Variants in PCDHGA5 observed in about 807,000 individuals in gnomAD.
The protein encoded by PCDHGA5 is protocadherin gamma subfamily A, 5, also known as protocadherin gamma-A5.
In PCDHGA5, 36 loss-of-function variants were observed where a neutral mutation model predicts 56.7. The ratio of observed to expected loss-of-function variants is 0.64; its 90% CI spans 0.49 to 0.84. PCDHGA5 has a LOEUF of 0.84. Among genes scored for constraint, PCDHGA5 ranks in the 40% least tolerant of loss-of-function variants. The pLI is 0.00. For missense variants in PCDHGA5, 1,305 were observed against 1,201.5 expected, an observed-to-expected ratio of 1.09 and a Z score of -1.27; for synonymous variants, 563 against 520.2, an observed-to-expected ratio of 1.08 and a Z score of -1.12.
chr5:141,399,321 T>C (rs1356696829), intron 1 of PCDHGA5: 2 of 1,613,978 alleles, frequency 1.2e-6, no homozygotes, highest in Admixed American at 1.7e-5. Context: ...AAAATTCGTA[T>C]AAGTTGGTAA....
chr5:141,403,161 G>A (rs1435695987), intron 1 of PCDHGA5: 12 of 1,614,026 alleles, frequency 7.4e-6, no homozygotes, highest in Non-Finnish European at 1.0e-5. Context: ...GTCTCTAGAG[G>A]TAGGACGCAG....
chr5:141,366,134 G>A lies in PCDHGA5; in HGVS notation c.1804G>A (p.Ala602Thr). ...GGTGGACAAAGATTCAGGCCAGAAC[G>A]CCTGGCTGTCCTACCGCCTGCTTAA... is the stretch of plus-strand genomic sequence containing the variant. The part of the protein sequence containing the change: ...VAVDKDSGQN[A>T]WLSYRLLKAS... The change falls in exon 1 of 4, where the codon GCC (alanine) becomes ACC (threonine). Residue 602 changes from alanine to threonine, a missense_variant. Coordinates refer to ENST00000518069, the MANE Select transcript of PCDHGA5 (RefSeq NM_018918.3). The A allele has an allele frequency of 6.2e-7, 1 of 1,614,204 alleles. No individual in the cohort carries two copies. The highest frequency in any genetic ancestry group is 8.5e-7 in the Non-Finnish European group (1 of 1,180,046).
intron 2 of PCDHGA5, among the ~76,000 whole-genome samples, chr5:141,503,423 C>T (rs1018496430): frequency 6.6e-6 from 1 of 151,752 alleles, no homozygotes; most frequent in Non-Finnish European, 1.5e-5. Context: ...GGTGAAACCC[C>T]ATCTCTACTA....
chr5:141,410,466 G>T (rs536543649), intron 1 of PCDHGA5: 2 of 1,613,908 alleles, frequency 1.2e-6, no homozygotes, highest in South Asian at 1.1e-5. Context: ...TATAATCTGT[G>T]CATTGCACAT....
intron 1 of PCDHGA5, chr5:141,416,261 A>G (rs2096009073): frequency 6.6e-6 from 1 of 152,294 alleles, no homozygotes; most frequent in Non-Finnish European, 1.5e-5. Flanking sequence ...ACACTGCAGT[A>G]TCCTTTTTGC....
In PCDHGA5 at chr5:141,487,761, C is replaced by T. The variant is rs1331182183; in HGVS notation, c.2422-7046C>T. Reference sequence around the variant, plus strand: ...GTAAGAGGTAACTATGTGGTAGACGCTGTGCTTTGTAACTGTTTCGTGAAT... The same window carrying T: ...GTAAGAGGTAACTATGTGGTAGACGTTGTGCTTTGTAACTGTTTCGTGAAT... On this transcript the variant is annotated intron_variant, in intron 1 of 3. Coordinates refer to ENST00000518069, the MANE Select transcript of PCDHGA5 (RefSeq NM_018918.3). The surrounding 1 kb of genome is among the most constrained non-coding windows in gnomAD (Gnocchi z 5.0). 3.2e-6 allele frequency: 5 copies of T among 1,545,926 alleles called. No individual in the cohort carries two copies. Among genetic ancestry groups the T allele is most frequent in the South Asian group, 1.2e-5 (1 of 83,534 alleles).
At chr5:141,389,338 T>C in intron 1 of PCDHGA5, 1 of 1,613,982 alleles carries the variant, frequency 6.2e-7, no homozygotes, top group South Asian at 1.1e-5. Flanking sequence ...AACGGCCAAG[T>C]CTCTTACTGC....
chr5:141,426,643 T>C (rs1280631056), intron 1 of PCDHGA5: 1 of 411,758 alleles, frequency 2.4e-6, no homozygotes, highest in Non-Finnish European at 5.0e-6. Flanking sequence ...CACATAAATG[T>C]GATGATAGAA....
intron 1 of PCDHGA5, chr5:141,374,138 C>G: frequency 6.2e-7 from 1 of 1,608,824 alleles, no homozygotes; most frequent in Non-Finnish European, 8.5e-7. Context: ...GCTCCTCACG[C>G]TCCTGGGGAC....
chr5:141,427,931 G>T (rs1381637805), intron 1 of PCDHGA5: 3 of 1,583,646 alleles, frequency 1.9e-6, no homozygotes, highest in Non-Finnish European at 2.6e-6. Flanking sequence ...GGCGCATGTT[G>T]GTGGGCGACC....
chr5:141,397,450 A>G (rs1434264337), intron 1 of PCDHGA5, among the ~76,000 whole-genome samples: 1 of 152,258 alleles, frequency 6.6e-6, no homozygotes, highest in Admixed American at 6.5e-5. Context: ...AATATAAAAC[A>G]CTAGAAATAT....
intron 1 of PCDHGA5, among the ~76,000 whole-genome samples, chr5:141,402,461 C>A (rs892900332): frequency 1.3e-5 from 2 of 151,994 alleles, no homozygotes; most frequent in East Asian, 3.8e-4. Context: ...GTTTACATAT[C>A]TAGAAATAGA....
chr5:141,389,449 A>T lies in PCDHGA5; in HGVS notation c.2421+22698A>T, dbSNP rs771507101. The stretch of plus-strand genomic sequence containing the variant: ...GCGCAGCGCGCCTTCGACCACGAGC[A>T]GCTGCGCGCCTTCGAACTCACACTG... On this transcript the variant is annotated intron_variant, in intron 1 of 3. Coordinates refer to ENST00000518069, the MANE Select transcript of PCDHGA5 (RefSeq NM_018918.3). 17 of 1,610,420 alleles carry T rather than the reference A, an allele frequency of 1.1e-5. No individual in the cohort carries two copies. In the African/African-American group the frequency reaches 2.3e-4, roughly 22 times the overall value.
In PCDHGA5 at chr5:141,472,878, C is replaced by T. The variant is rs774209715; in HGVS notation, c.2422-21929C>T. ...GCACATGCCTGTATTCCCAGCTACT[C>T]GGGAGGCTGAGGCAGGAGAATTGCT... On this transcript the variant is annotated intron_variant, in intron 1 of 3. Transcript: ENST00000518069. 6.8e-5 allele frequency among the ~76,000 whole-genome samples: 10 copies of T among 146,132 alleles called. 1 individual carries two copies. The highest frequency in any genetic ancestry group is 4.2e-4 in the East Asian group (2 of 4,758).
At chr5:141,424,022 A>G (rs2096795541) in intron 1 of PCDHGA5, 13 of 1,046,584 alleles carry the variant, frequency 1.2e-5, no homozygotes, top group Non-Finnish European at 1.4e-5. Context: ...ATGATTCACA[A>G]ACACTTTTTA....
At chr5:141,502,534 C>T (rs565889110) in intron 2 of PCDHGA5, among the ~76,000 whole-genome samples, 10 of 152,074 alleles carry the variant, frequency 6.6e-5, no homozygotes, top group Non-Finnish European at 1.0e-4. Context: ...CGAGTTTGTT[C>T]GTGTGGTAAA....
intron 1 of PCDHGA5, chr5:141,382,957 C>T (rs1350220102): frequency 6.2e-7 from 1 of 1,606,282 alleles, no homozygotes; most frequent in Non-Finnish European, 8.5e-7. Flanking sequence ...CTCCATCCTC[C>T]TGGGGACCCC....
At position 141,423,606 on chromosome 5, in the gene PCDHGA5, G is replaced by A. The variant is rs945897368; in HGVS notation, c.2421+56855G>A. 9 of 1,612,046 alleles carry A rather than the reference G, an allele frequency of 5.6e-6. No individual in the cohort carries two copies. In the Admixed American group the frequency reaches 1.0e-4, roughly 18 times the overall value. On this transcript the variant is annotated intron_variant, in intron 1 of 3. Transcript: ENST00000518069. ...GCTGTGAGAAAAGCGAGCCACTCTT[G>A]ATAGCTGAAGACTCAGCTATCATTT...
chr5:141,475,947 C>A, intron 1 of PCDHGA5: 1 of 748,120 alleles, frequency 1.3e-6, no homozygotes, highest in Non-Finnish European at 2.1e-6. Context: ...CGTCCCCTTT[C>A]TGCGCCCCGG....
Sources: allele counts gnomAD v4.1 joint callset (sites outside exome capture counted in the v4.1 genomes callset), GRCh38; gene constraint gnomAD v4.1.1; non-coding constraint Gnocchi (gnomAD v3.1); transcripts MANE v1.5; gene names NCBI Gene and HGNC (gene_info 2026-07-23, HGNC 2026-07-21).